SUCO: variants seen among roughly 807,000 people sequenced by gnomAD.
The protein encoded by SUCO is SUN domain-containing ossification factor.
A neutral mutation model predicts 148.1 loss-of-function variants in SUCO; 57 were observed. That is an observed-to-expected ratio of 0.38 (90% confidence interval 0.31 to 0.48). The LOEUF (loss-of-function observed/expected upper bound fraction) is 0.48. SUCO is among the 20% of genes least tolerant of loss of function. The probability of loss-of-function intolerance (pLI) is 0.96; values close to 1 mark genes in which losing one functional copy is unlikely to be tolerated. For missense variants in SUCO, 1,331 were observed against 1,468.2 expected, an observed-to-expected ratio of 0.91 and a Z score of 1.53; for synonymous variants, 470 against 502.7, an observed-to-expected ratio of 0.93 and a Z score of 0.87.
At chr1:172,599,648 A>G (rs1250357820) in intron 19 of SUCO, among the ~76,000 whole-genome samples, 1 of 152,232 alleles carries the variant, frequency 6.6e-6, no homozygotes, top group East Asian at 1.9e-4. Flanking sequence ...GGCCTACTTT[A>G]TAACCAAAAA....
At chr1:172,609,031 C>T (rs887483489) in intron 23 of SUCO, among the ~76,000 whole-genome samples, 1 of 151,978 alleles carries the variant, frequency 6.6e-6, no homozygotes, top group African/African-American at 2.4e-5. Context: ...AGTGATAAAA[C>T]AGAACAGCAT....
In SUCO at chr1:172,611,646, A is replaced by T. The variant is rs566205580; in HGVS notation, c.*1387A>T. On this transcript the variant is annotated 3_prime_UTR_variant, in exon 24 of 24. Transcript: ENST00000263688. ...TTCTTTCCTGTCTGCACAATTAGCT[A>T]TTCAGAGCAAGAGGGCCTGATTTTA... The T allele has an allele frequency of 6.6e-6, 1 of 152,638 alleles. No homozygotes were observed. The highest frequency in any genetic ancestry group is 2.4e-5 in the African/African-American group (1 of 41,458). The allele number at this position is 152,638 out of a possible 1,614,324, so 9.5% of individuals were successfully genotyped here.
chr1:172,552,813 T>TA (rs1409536477), intron 2 of SUCO: 41 of 176,074 alleles, frequency 2.3e-4, no homozygotes, highest in Non-Finnish European at 3.7e-4. Context: ...AGATACCTAG[T>TA]ATGAGCTAGA....
intron 23 of SUCO, among the ~76,000 whole-genome samples, 162 bp downstream of exon 23, chr1:172,608,964 G>A (rs934563679): frequency 1.3e-5 from 2 of 152,016 alleles, no homozygotes; most frequent in Non-Finnish European, 2.9e-5. Flanking sequence ...GGGTCAGCAA[G>A]CTGTGACCCA....
chr1:172,569,422 C>G (rs1171437512), intron 7 of SUCO: 1 of 978,560 alleles, frequency 1.0e-6, no homozygotes, highest in Non-Finnish European at 1.2e-6. Context: ...AAAATTGAGG[C>G]ATGGAAACTA....
chr1:172,593,309 A>G (rs188027761), intron 19 of SUCO, among the ~76,000 whole-genome samples: 29 of 152,272 alleles, frequency 1.9e-4, no homozygotes, highest in Admixed American at 9.2e-4. Flanking sequence ...TTCCAGCACT[A>G]TGTTGAATAG....
At chr1:172,562,513 G>A (rs922723436) in intron 6 of SUCO, among the ~76,000 whole-genome samples, 2 of 152,028 alleles carry the variant, frequency 1.3e-5, no homozygotes, top group Non-Finnish European at 2.9e-5. Flanking sequence ...TGTATTTTTA[G>A]TAGAGATGGG....
intron 1 of SUCO, among the ~76,000 whole-genome samples, chr1:172,538,782 G>A (rs1652216567): frequency 6.6e-6 from 1 of 152,092 alleles, no homozygotes. Context: ...TATATATTCT[G>A]AAGAAAGCAC....
At chr1:172,561,739 G>T (rs1654170146) in intron 6 of SUCO, among the ~76,000 whole-genome samples, 2 of 152,168 alleles carry the variant, frequency 1.3e-5, no homozygotes, top group Admixed American at 6.5e-5. Flanking sequence ...GTCTGGCCCA[G>T]AACATCCCCT....
chr1:172,589,481 T>C lies in SUCO; in HGVS notation c.2380T>C (p.Tyr794His). Residue 794 changes from tyrosine to histidine, a missense_variant, in exon 18 of 24, where the codon TAT becomes CAT. Transcript: ENST00000263688. ...TTCTATAGAGAAACCATCTATTACC[T>C]ATGAAACAAATAAAGTTAATGAGTT... is the stretch of plus-strand genomic sequence containing the variant. ...FSSIEKPSIT[Y>H]ETNKVNELMD... is the part of the protein sequence containing the mutation. 6.2e-7 allele frequency: 1 copy of C among 1,611,166 alleles called. No homozygotes were observed. Among genetic ancestry groups the C allele is most frequent in the Non-Finnish European group, 8.5e-7 (1 of 1,178,920 alleles).
chr1:172,602,206 C>T lies in SUCO; in HGVS notation c.3161C>T (p.Pro1054Leu). The T allele has an allele frequency of 1.2e-6, 2 of 1,608,440 alleles. No individual in the cohort carries two copies. The highest frequency in any genetic ancestry group is 2.2e-5 in the East Asian group (1 of 44,726). Residue 1054 changes from proline (P) to leucine (L), a missense_variant, in exon 21 of 24, where the codon CCA (proline) becomes CTA (leucine). Coordinates refer to ENST00000263688, the MANE Select transcript of SUCO (RefSeq NM_014283.5). ...AAACTTCCTAAAAGTAATCAGTATC[C>T]AAGCCCTAAAAGGTAATATCAGCAT... is the stretch of plus-strand genomic sequence containing the variant. ...ISKLPKSNQY[P>L]SPKRCFSSYD... is the part of the protein sequence containing the mutation.
chr1:172,570,971 G>A (rs1654920946), intron 9 of SUCO, among the ~76,000 whole-genome samples: 1 of 152,214 alleles, frequency 6.6e-6, no homozygotes, highest in African/African-American at 2.4e-5. Context: ...CTGTTGAAAG[G>A]GTGTTATTGA....
At position 172,597,808 on chromosome 1, in the gene SUCO, T is replaced by C. The variant is rs978786171; in HGVS notation, c.2914-2256T>C. 5.9e-5 allele frequency among the ~76,000 whole-genome samples: 9 copies of C among 152,188 alleles called. No individual in the cohort carries two copies. The East Asian group carries it at 1.7e-3, about 29-fold the overall frequency. On this transcript the variant is annotated intron_variant, in intron 19 of 23. Transcript: ENST00000263688. ...CGGGGATGGTGAAGTGAGGAGGCCT[T>C]ATACTGCGGAGTTTTGTTAGGTGCA... is the stretch of plus-strand genomic sequence containing the variant.
intron 21 of SUCO, chr1:172,602,458 G>A: frequency 1.0e-6 from 1 of 981,990 alleles, no homozygotes; most frequent in Middle Eastern, 5.2e-4. Flanking sequence ...ATATTTGGTT[G>A]AGAAAGATGC....
rs1218894745 is a variant in SUCO at position 172,556,551 on chromosome 1, T to C, written c.443+528T>C. ...GTCCAAAGAACAAAACAAAATGTCC[T>C]TCTCTTAATACTACATTAAGCATTT... On this transcript the variant is annotated intron_variant, in intron 4 of 23. Transcript: ENST00000263688. The C allele has an allele frequency of 6.3e-6, 6 of 949,934 alleles. No individual in the cohort carries two copies. The African/African-American group carries it at 8.9e-5, about 14-fold the overall frequency. The allele number at this position is 949,934 out of a possible 1,614,324, so 58.8% of individuals were successfully genotyped here.
intron 1 of SUCO, among the ~76,000 whole-genome samples, chr1:172,548,221 TTA>T (rs1653006806): frequency 6.6e-6 from 1 of 151,818 alleles, no homozygotes; most frequent in Non-Finnish European, 1.5e-5. Flanking sequence ...AAATATATTG[TTA>T]TATATAGTTT....
chr1:172,595,098 A>T (rs1656996591), intron 19 of SUCO, among the ~76,000 whole-genome samples: 1 of 152,100 alleles, frequency 6.6e-6, no homozygotes, highest in South Asian at 2.1e-4. Context: ...AGAGACTACG[A>T]TTGTAACCCC....
intron 8 of SUCO, 63 bp from the exon 9 acceptor site, chr1:172,570,600 T>C (rs1347150454): frequency 1.2e-5 from 14 of 1,165,062 alleles, no homozygotes; most frequent in Admixed American, 4.0e-5. Flanking sequence ...ACTTTAAAGT[T>C]AAAATAAATA....
intron 6 of SUCO, among the ~76,000 whole-genome samples, chr1:172,562,338 T>TTA (rs1558184345): frequency 6.6e-6 from 1 of 151,232 alleles, no homozygotes; most frequent in East Asian, 1.9e-4. Context: ...TTTTTTTTTT[T>TTA]TTTTTTTTTA....
Sources: gnomAD v4.1 joint callset for allele counts (sites outside exome capture counted in the v4.1 genomes callset) on GRCh38, gnomAD v4.1.1 for gene constraint, MANE v1.5 for transcripts, NCBI Gene and HGNC (gene_info 2026-07-23, HGNC 2026-07-21) for gene names.